Variants in DOK5 observed in about 807,000 individuals in gnomAD.
DOK5 encodes downstream of tyrosine kinase 5.
DOK5 carries 27 observed loss-of-function variants against 43.3 expected under a neutral mutation model. The ratio of observed to expected loss-of-function variants is 0.62; its 90% confidence interval spans 0.46 to 0.86. The LOEUF is 0.86. Among genes scored for constraint, DOK5 ranks in the 40% least tolerant of loss-of-function variants. The pLI is 0.00. For synonymous variants in DOK5, 146 were observed against 140.1 expected (o/e 1.04, Z -0.30); for missense variants, 373 against 392.9 (o/e 0.95, Z 0.43).
intron 6 of DOK5, among the ~76,000 whole-genome samples, chr20:54,624,091 T>C (rs1450005235): frequency 6.6e-6 from 1 of 152,230 alleles, no homozygotes; most frequent in Non-Finnish European, 1.5e-5. Flanking sequence ...GCCCCTGTCT[T>C]CTGTGCAGCT....
intron 1 of DOK5, among the ~76,000 whole-genome samples, chr20:54,541,377 C>T (rs1347392346): frequency 3.3e-5 from 5 of 152,118 alleles, no homozygotes; most frequent in Admixed American, 2.6e-4. Context: ...TTCAATGCTT[C>T]GTCTCACTTC....
intron 1 of DOK5, among the ~76,000 whole-genome samples, chr20:54,519,721 C>T (rs1443728121): frequency 2.0e-5 from 3 of 152,066 alleles, no homozygotes; most frequent in Non-Finnish European, 4.4e-5. Flanking sequence ...AAATATGATG[C>T]CATACAAATT....
chr20:54,621,569 A>G (rs1210919126), intron 6 of DOK5, among the ~76,000 whole-genome samples: 2 of 152,102 alleles, frequency 1.3e-5, no homozygotes, highest in African/African-American at 2.4e-5. Flanking sequence ...GGTGCCTGTA[A>G]TCCCAGCTAC....
rs146171602 is a variant in DOK5 at position 54,643,565 on chromosome 20, C to G, written c.843C>G (p.Leu281=). 1.4e-3 allele frequency: 2,252 copies of G among 1,612,844 alleles called. 16 individuals are homozygous for G. The African/African-American group carries it at 0.026, about 19-fold the overall frequency. Residue 281 remains leucine (L), a synonymous_variant, in exon 7 of 8, where the codon CTC becomes CTG. Coordinates refer to ENST00000262593, the MANE Select transcript of DOK5 (RefSeq NM_018431.5). ...HITRQHSTGQ[L]YRLQDVSSPL... ...CACGGCAGCACAGCACGGGACAGCT[C>G]TACCGCTTGCAAGGTAAGCGTGGGG...
At chr20:54,483,397 A>G (rs1203070930) in intron 1 of DOK5, among the ~76,000 whole-genome samples, 1 of 152,182 alleles carries the variant, frequency 6.6e-6, no homozygotes, top group African/African-American at 2.4e-5. Flanking sequence ...TTGAGTACCT[A>G]TTAGTGTTAA....
intron 2 of DOK5, among the ~76,000 whole-genome samples, chr20:54,560,078 A>G (rs2146734982): frequency 6.6e-6 from 1 of 152,372 alleles, no homozygotes; most frequent in East Asian, 1.9e-4. Context: ...CAATGAGCTA[A>G]TGTCCTAAAA....
At chr20:54,645,368 C>G (rs1979360794) in intron 7 of DOK5, among the ~76,000 whole-genome samples, 2 of 115,824 alleles carry the variant, frequency 1.7e-5, no homozygotes, top group Non-Finnish European at 3.6e-5. Flanking sequence ...CGCTCTGAAC[C>G]CTCAGTCCTC....
chr20:54,481,255 T>C (rs1293720422), intron 1 of DOK5, among the ~76,000 whole-genome samples: 1 of 152,100 alleles, frequency 6.6e-6, no homozygotes, highest in Non-Finnish European at 1.5e-5. Flanking sequence ...CTGCAGCCTC[T>C]GCCTCCTGGG....
At chr20:54,481,060 CT>C (rs1981680972) in intron 1 of DOK5, among the ~76,000 whole-genome samples, 5 of 119,402 alleles carry the variant, frequency 4.2e-5, no homozygotes, top group Non-Finnish European at 7.1e-5. Context: ...TGTCTATCAT[CT>C]ATCTATCATC....
intron 1 of DOK5, among the ~76,000 whole-genome samples, chr20:54,498,818 G>C (rs1982490291): frequency 6.6e-6 from 1 of 152,104 alleles, no homozygotes; most frequent in Admixed American, 6.5e-5. Flanking sequence ...AGCCAAAAAA[G>C]ACTTTTTTTC....
At chr20:54,518,274 T>G (rs187336404) in intron 1 of DOK5, among the ~76,000 whole-genome samples, 69 of 143,386 alleles carry the variant, frequency 4.8e-4, no homozygotes, top group African/African-American at 1.7e-3. Flanking sequence ...TCCCTCCCCC[T>G]TCCCCCCACC....
chr20:54,566,996 T>G lies in DOK5; in HGVS notation c.174+11956T>G, dbSNP rs536832552. On this transcript the variant is annotated intron_variant, in intron 2 of 7. Coordinates refer to ENST00000262593, the MANE Select transcript of DOK5 (RefSeq NM_018431.5). ...CTGTATATCTTCTATGAAATGTCTCTTTATGTATTTGACCTATTTTCTATT... is the reference window on the plus strand; with the variant it reads ...CTGTATATCTTCTATGAAATGTCTCGTTATGTATTTGACCTATTTTCTATT... Among the ~76,000 whole-genome samples, 13 of 152,328 alleles carry G rather than the reference T, an allele frequency of 8.5e-5. No homozygotes were observed. In the East Asian group the frequency reaches 2.1e-3, roughly 25 times the overall value.
intron 1 of DOK5, among the ~76,000 whole-genome samples, chr20:54,530,335 G>A (rs1351950594): frequency 6.6e-6 from 1 of 152,214 alleles, no homozygotes; most frequent in Non-Finnish European, 1.5e-5. Context: ...CCAGCAGACA[G>A]AAGCAACCTG....
chr20:54,641,915 A>G (rs1467443000), intron 6 of DOK5, among the ~76,000 whole-genome samples: 1 of 152,208 alleles, frequency 6.6e-6, no homozygotes, highest in Non-Finnish European at 1.5e-5. Context: ...AACATCTTGC[A>G]TAAATCTTTG....
intron 1 of DOK5, among the ~76,000 whole-genome samples, chr20:54,498,415 A>T (rs1982478476): frequency 6.6e-6 from 1 of 152,192 alleles, no homozygotes; most frequent in African/African-American, 2.4e-5. Context: ...AGGGAACAAT[A>T]GCAATTCTAG....
chr20:54,526,115 T>C (rs1983565433), intron 1 of DOK5, among the ~76,000 whole-genome samples: 1 of 151,568 alleles, frequency 6.6e-6, no homozygotes, highest in South Asian at 2.1e-4. Flanking sequence ...CCCAGAAGCC[T>C]GCGTGAAAGT....
intron 7 of DOK5, 79 bp downstream of exon 7, chr20:54,643,657 C>A: frequency 1.3e-6 from 2 of 1,510,768 alleles, no homozygotes; most frequent in Non-Finnish European, 1.8e-6. Flanking sequence ...CAACTCGCAG[C>A]TGCTGCATGC....
chr20:54,646,160 C>T (rs1979409558), intron 7 of DOK5, among the ~76,000 whole-genome samples: 1 of 150,786 alleles, frequency 6.6e-6, no homozygotes, highest in Non-Finnish European at 1.5e-5. Context: ...CAGAATGTTA[C>T]TCGATTTTAC....
chr20:54,589,388 T>C (rs1985913040), intron 4 of DOK5, among the ~76,000 whole-genome samples: 2 of 152,186 alleles, frequency 1.3e-5, no homozygotes, highest in African/African-American at 4.8e-5. Flanking sequence ...CCATCTAAAA[T>C]CTGTAATTAA....
Sources: allele counts gnomAD v4.1 joint callset (sites outside exome capture counted in the v4.1 genomes callset), GRCh38; gene constraint gnomAD v4.1.1; transcripts MANE v1.5; gene names NCBI Gene and HGNC (gene_info 2026-07-23, HGNC 2026-07-21).